THRA: variants seen among roughly 807,000 people sequenced by gnomAD.
The protein encoded by THRA is EAR-7.
In THRA, 13 loss-of-function variants were observed where a neutral mutation model predicts 45.0. The ratio of observed to expected loss-of-function variants is 0.29; its 90% confidence interval spans 0.19 to 0.46. The LOEUF is 0.46. Among genes scored for constraint, THRA ranks in the 20% least tolerant of loss-of-function variants. THRA has a pLI of 1.00. For missense variants in THRA, 278 were observed against 556.1 expected, an observed-to-expected ratio of 0.50 and a Z score of 5.03; for synonymous variants, 195 against 214.0, an observed-to-expected ratio of 0.91 and a Z score of 0.78.
chr17:40,074,988 T>C (rs901804746), intron 2 of THRA, among the ~76,000 whole-genome samples: 1 of 152,262 alleles, frequency 6.6e-6, no homozygotes, highest in Admixed American at 6.5e-5. Context: ...CCAGTAACTA[T>C]TGGTCATAGC....
chr17:40,071,134 C>T (rs964151289), intron 1 of THRA, among the ~76,000 whole-genome samples: 1 of 152,048 alleles, frequency 6.6e-6, no homozygotes, highest in Non-Finnish European at 1.5e-5. Flanking sequence ...TTTTCTCAGC[C>T]GCCCCGCATG....
chr17:40,086,954 G>A (rs921665532), intron 7 of THRA, 101 bp downstream of exon 7: 3 of 1,515,036 alleles, frequency 2.0e-6, no homozygotes, highest in Admixed American at 3.6e-5. Flanking sequence ...TGGACAAGGA[G>A]CAATTCCTGT....
At chr17:40,077,993 T>TTTCTC (rs1401396601) in intron 4 of THRA, among the ~76,000 whole-genome samples, 1 of 152,134 alleles carries the variant, frequency 6.6e-6, no homozygotes, top group Non-Finnish European at 1.5e-5. Flanking sequence ...GCCTGGTTAC[T>TTTCTC]TTCTCTTCTC....
chr17:40,064,636 G>C (rs1986487297), intron 1 of THRA, among the ~76,000 whole-genome samples: 1 of 152,246 alleles, frequency 6.6e-6, no homozygotes, highest in South Asian at 2.1e-4. Flanking sequence ...TGTAAAGCAT[G>C]CATTCCCAAT....
Position 40,092,744 on chromosome 17 carries a change from C to G in THRA, c.*3288C>G. 4.5e-5 allele frequency: 11 copies of G among 242,334 alleles called. No homozygotes were observed. The highest frequency in any genetic ancestry group is 1.9e-4 in the East Asian group (2 of 10,678). 15.0% of individuals were successfully genotyped at this position (242,334 alleles called of 1,614,324 possible). Reference sequence around the variant, plus strand: ...GAGAGGTGGCCCCCCCCAGCCTTGGCAGTATTTCCACCCCACCCCCCAAAC... The same window carrying G: ...GAGAGGTGGCCCCCCCCAGCCTTGGGAGTATTTCCACCCCACCCCCCAAAC... On this transcript the variant is annotated 3_prime_UTR_variant, in exon 9 of 9. Coordinates refer to ENST00000450525, the MANE Select transcript of THRA (RefSeq NM_199334.5).
intron 6 of THRA, 142 bp downstream of exon 6, chr17:40,084,957 T>C: frequency 1.1e-6 from 1 of 905,162 alleles, no homozygotes; most frequent in Non-Finnish European, 1.7e-6. Flanking sequence ...GCTGTCCAGA[T>C]TTTATACACT....
rs1006398062 is a variant in THRA at position 40,074,384 on chromosome 17, C to T, written c.-105C>T. The stretch of plus-strand genomic sequence containing the variant: ...GTATCATGGGTGCTGTGCCCTAGGG[C>T]CTGGGTGGCAGGGGGTGGGTGGCCT... On this transcript the variant is annotated 5_prime_UTR_variant, in exon 2 of 9. Coordinates refer to ENST00000450525, the MANE Select transcript of THRA (RefSeq NM_199334.5). The T allele has an allele frequency of 1.3e-5, 16 of 1,242,186 alleles. No homozygotes were observed. In the African/African-American group the frequency reaches 2.2e-4, roughly 17 times the overall value. 76.9% of individuals were successfully genotyped at this position (1,242,186 alleles called of 1,614,324 possible).
chr17:40,082,758 C>CCTTTT (rs1389256940), intron 4 of THRA, among the ~76,000 whole-genome samples: 12 of 67,526 alleles, frequency 1.8e-4, no homozygotes, highest in Non-Finnish European at 2.9e-4. Flanking sequence ...GAATCGCATG[C>CCTTTT]TTTTTTTTTT....
chr17:40,072,021 G>C (rs1329713823), intron 1 of THRA: 1 of 152,354 alleles, frequency 6.6e-6, no homozygotes, highest in African/African-American at 2.4e-5. Context: ...GTTCAAAAGA[G>C]GGGTGGGGCA....
Position 40,084,382 on chromosome 17 carries a change from C to A in THRA, c.371-228C>A, listed in dbSNP as rs951238872. 4 of 567,712 alleles carry A rather than the reference C, an allele frequency of 7.0e-6. No individual in the cohort carries two copies. In the African/African-American group the frequency reaches 7.5e-5, roughly 11 times the overall value. 35.2% of individuals were successfully genotyped at this position (567,712 alleles called of 1,614,324 possible). On this transcript the variant is annotated intron_variant, in intron 5 of 8. Coordinates refer to ENST00000450525, the MANE Select transcript of THRA (RefSeq NM_199334.5). ...CCACCGTCACCATAATCCGTTAGAC[C>A]AGAACATGATATTCATCTGGATCAG...
At chr17:40,087,864 T>C (rs1238290607) in intron 7 of THRA, among the ~76,000 whole-genome samples, 1 of 152,192 alleles carries the variant, frequency 6.6e-6, no homozygotes, top group Non-Finnish European at 1.5e-5. Context: ...GTTCAAGCAA[T>C]TCTCCTGCCT....
intron 1 of THRA, among the ~76,000 whole-genome samples, chr17:40,067,594 G>C (rs1434679144): frequency 2.6e-5 from 4 of 152,214 alleles, no homozygotes; most frequent in Non-Finnish European, 5.9e-5. Flanking sequence ...CTTTGCCTTT[G>C]TGAGTCTGGT....
chr17:40,087,669 G>A (rs1370691433), intron 7 of THRA, among the ~76,000 whole-genome samples: 2 of 152,232 alleles, frequency 1.3e-5, no homozygotes, highest in African/African-American at 4.8e-5. Flanking sequence ...CTAGCCATGT[G>A]ACCTGGGGTA....
intron 6 of THRA, among the ~76,000 whole-genome samples, chr17:40,085,063 C>A (rs1041159936): frequency 6.6e-6 from 1 of 152,146 alleles, no homozygotes; most frequent in African/African-American, 2.4e-5. Flanking sequence ...TTCCAGGGAG[C>A]GGGAGCGACC....
chr17:40,071,195 A>G (rs1432002182), intron 1 of THRA, among the ~76,000 whole-genome samples: 1 of 152,122 alleles, frequency 6.6e-6, no homozygotes, highest in Non-Finnish European at 1.5e-5. Context: ...CAGAGCACTA[A>G]GGACAAAGTT....
chr17:40,074,296 C>A lies in THRA; in HGVS notation c.-193C>A. On this transcript the variant is annotated 5_prime_UTR_variant, in exon 2 of 9. Transcript: ENST00000450525. ...CCCTCCCACCTGCCACTCCCTGGCCCCTCCCACCGCCCGCCCCCCTTGGGG... is the reference window on the plus strand; with the variant it reads ...CCCTCCCACCTGCCACTCCCTGGCCACTCCCACCGCCCGCCCCCCTTGGGG... 1 of 621,942 alleles carries A rather than the reference C, an allele frequency of 1.6e-6. No individual in the cohort carries two copies. The highest frequency in any genetic ancestry group is 1.9e-5 in the South Asian group (1 of 53,668). The allele number at this position is 621,942 out of a possible 1,614,324, so 38.5% of individuals were successfully genotyped here. A position where few individuals can be genotyped will look rare whatever the true frequency, so the allele number is the denominator to read the frequency against.
intron 2 of THRA, among the ~76,000 whole-genome samples, chr17:40,076,210 A>G (rs1453124398): frequency 2.6e-5 from 4 of 152,184 alleles, no homozygotes; most frequent in African/African-American, 9.7e-5. Flanking sequence ...GCTCTGTTAA[A>G]TGGAGGCTGT....
Position 40,066,716 on chromosome 17 carries a change from C to G in THRA, c.-298+3624C>G, listed in dbSNP as rs1986587305. ...CAAAAAAGAACAAGGCATTATCTAT[C>G]AAGCAGGTGATATACCATCACAGCT... On this transcript the variant is annotated intron_variant, in intron 1 of 8. Transcript: ENST00000450525. Among the ~76,000 whole-genome samples, 4 of 149,144 alleles carry G rather than the reference C, an allele frequency of 2.7e-5. No individual in the cohort carries two copies. In the South Asian group the frequency reaches 6.4e-4, roughly 24 times the overall value.
At chr17:40,087,458 TACAG>T (rs1185637672) in intron 7 of THRA, among the ~76,000 whole-genome samples, 1 of 147,306 alleles carries the variant, frequency 6.8e-6, no homozygotes, top group African/African-American at 2.5e-5. Context: ...CATAGATACA[TACAG>T]ACACACACAC....
Sources: gnomAD v4.1 joint callset for allele counts (sites outside exome capture counted in the v4.1 genomes callset) on GRCh38, gnomAD v4.1.1 for gene constraint, MANE v1.5 for transcripts, NCBI Gene and HGNC (gene_info 2026-07-23, HGNC 2026-07-21) for gene names.